ZFYVE1: variants seen among roughly 807,000 people sequenced by gnomAD.
ZFYVE1 encodes zinc finger FYVE-type containing 1, also known as zinc finger FYVE domain-containing protein 1.
A neutral mutation model predicts 74.4 loss-of-function variants in ZFYVE1; 30 were observed. The observed-to-expected ratio is 0.40, with a 90% CI of 0.30 to 0.55. ZFYVE1 has a LOEUF of 0.55. Ranked by LOEUF, ZFYVE1 falls within the 20% of genes least tolerant of loss-of-function variation. The pLI is 0.42. For missense variants in ZFYVE1, 703 were observed against 1,011.6 expected (o/e 0.69, Z 4.14); for synonymous variants, 335 against 385.1 (o/e 0.87, Z 1.52).
At chr14:73,002,086 TAAC>T (rs1386698051) in intron 2 of ZFYVE1, among the ~76,000 whole-genome samples, 3 of 152,056 alleles carry the variant, frequency 2.0e-5, no homozygotes, top group South Asian at 4.1e-4. Context: ...ACTACTGGGG[TAAC>T]AACAACAAAA....
At chr14:72,998,869 G>A (rs1041600618) in intron 2 of ZFYVE1, among the ~76,000 whole-genome samples, 2 of 151,714 alleles carry the variant, frequency 1.3e-5, no homozygotes, top group Non-Finnish European at 2.9e-5. Flanking sequence ...AAAAGAAAGG[G>A]GGGTGGGGCC....
intron 4 of ZFYVE1, among the ~76,000 whole-genome samples, chr14:72,989,465 TA>T (rs993790629): frequency 1.3e-5 from 2 of 151,402 alleles, no homozygotes; most frequent in African/African-American, 4.9e-5. Flanking sequence ...AGGGGGGAGG[TA>T]GGGGAAGGAA....
chr14:73,001,479 T>C (rs1199384718), intron 2 of ZFYVE1, among the ~76,000 whole-genome samples: 1 of 152,132 alleles, frequency 6.6e-6, no homozygotes, highest in Non-Finnish European at 1.5e-5. Flanking sequence ...CATACCCCAC[T>C]GAACACACCG....
At position 72,969,918 on chromosome 14, in the gene ZFYVE1, C is replaced by T. The variant is rs1383084224; in HGVS notation, c.*964G>A. The T allele has an allele frequency of 3.3e-5, 20 of 601,798 alleles. No homozygotes were observed. The highest frequency in any genetic ancestry group is 8.8e-6 in the Non-Finnish European group (3 of 340,820). The allele number at this position is 601,798 out of a possible 1,614,324, so 37.3% of individuals were successfully genotyped here. A position where few individuals can be genotyped will look rare whatever the true frequency, so the allele number is the denominator to read the frequency against. ...GGAAGGTTTCTCATGATCGCCCCTC[C>T]GAGAGCTAGAGGGGTTGTGTGTCTG... On this transcript the variant is annotated 3_prime_UTR_variant, in exon 12 of 12. Transcript: ENST00000556143.
intron 4 of ZFYVE1, among the ~76,000 whole-genome samples, chr14:72,982,610 T>A (rs1003987314): frequency 4.6e-5 from 7 of 152,218 alleles, no homozygotes; most frequent in Non-Finnish European, 7.3e-5. Flanking sequence ...TTCCTCAGGC[T>A]AATTACAGAA....
Position 73,024,418 on chromosome 14 carries a change from T to C in ZFYVE1, c.91A>G (p.Ile31Val). ...CTGCAGCACTCATCACACTCAAAGA[T>C]AGCTTCATCAGTCCCGCTGCAAGCG... ...SYACSGTDEA[I>V]FECDECCSLQ... The change falls in exon 2 of 12, where the codon ATC becomes GTC. Residue 31 changes from isoleucine to valine, a missense_variant. Transcript: ENST00000556143. 5 of 1,614,180 alleles carry C rather than the reference T, an allele frequency of 3.1e-6. No individual in the cohort carries two copies. Among genetic ancestry groups the C allele is most frequent in the Non-Finnish European group, 4.2e-6 (5 of 1,180,030 alleles).
intron 2 of ZFYVE1, 83 bp from the exon 3 acceptor site, chr14:72,998,398 G>A (rs1893799820): frequency 2.3e-6 from 3 of 1,293,222 alleles, no homozygotes; most frequent in Non-Finnish European, 3.1e-6. Context: ...GCTTCCCAAG[G>A]ACAAGGAACT....
chr14:72,971,501 T>C (rs555501172), intron 11 of ZFYVE1, among the ~76,000 whole-genome samples: 1 of 152,282 alleles, frequency 6.6e-6, no homozygotes, highest in African/African-American at 2.4e-5. Flanking sequence ...CACACCTGGC[T>C]AATTTTTGTA....
intron 2 of ZFYVE1, among the ~76,000 whole-genome samples, chr14:73,011,312 C>T (rs895136056): frequency 1.3e-5 from 2 of 151,702 alleles, no homozygotes; most frequent in African/African-American, 4.8e-5. Flanking sequence ...ATGACAAAAC[C>T]CCATCTCTAC....
At chr14:72,991,276 G>A (rs764682375) in intron 4 of ZFYVE1, among the ~76,000 whole-genome samples, 10 of 140,358 alleles carry the variant, frequency 7.1e-5, no homozygotes, top group East Asian at 4.5e-4. Flanking sequence ...TGCAAGCTCC[G>A]CCTCCCGGGT....
At chr14:72,993,971 C>T (rs1467149370) in intron 3 of ZFYVE1, among the ~76,000 whole-genome samples, 12 of 147,200 alleles carry the variant, frequency 8.2e-5, no homozygotes, top group South Asian at 2.2e-4. Flanking sequence ...GCCAAGATCG[C>T]GCCACTGCAC....
intron 3 of ZFYVE1, among the ~76,000 whole-genome samples, chr14:72,995,365 G>A (rs1473204367): frequency 6.6e-6 from 1 of 152,158 alleles, no homozygotes. Flanking sequence ...CCAAAGAGCT[G>A]GGACCACAGG....
chr14:72,971,359 CAG>C (rs1371961670), intron 11 of ZFYVE1, among the ~76,000 whole-genome samples: 1 of 152,130 alleles, frequency 6.6e-6, no homozygotes, highest in Non-Finnish European at 1.5e-5. Flanking sequence ...TTTTTGGAGT[CAG>C]AGTCTCATTC....
chr14:72,975,281 C>A lies in ZFYVE1; in HGVS notation c.1806+270G>T. ...CTCCAGATTCTTATCTGGGTCCTCACATATCTAAGCAATATTCACTGGTCG... is the reference window on the plus strand; with the variant it reads ...CTCCAGATTCTTATCTGGGTCCTCAAATATCTAAGCAATATTCACTGGTCG... On this transcript the variant is annotated intron_variant, in intron 9 of 11. Coordinates refer to ENST00000556143, the MANE Select transcript of ZFYVE1 (RefSeq NM_021260.4). The surrounding 1 kb of genome is among the most constrained non-coding windows in gnomAD (Gnocchi z 4.1). 5 of 524,816 alleles carry A rather than the reference C, an allele frequency of 9.5e-6. No homozygotes were observed. The highest frequency in any genetic ancestry group is 1.7e-5 in the Non-Finnish European group (5 of 300,800). The allele number at this position is 524,816 out of a possible 1,614,324, so 32.5% of individuals were successfully genotyped here.
chr14:73,008,010 A>G (rs1894015339), intron 2 of ZFYVE1, among the ~76,000 whole-genome samples: 1 of 151,972 alleles, frequency 6.6e-6, no homozygotes. Flanking sequence ...ACTTTCTTCC[A>G]CTCTAGTGTC....
intron 1 of ZFYVE1, 107 bp downstream of exon 1, chr14:73,026,819 C>A (rs1382853007): frequency 9.4e-6 from 3 of 319,702 alleles, no homozygotes; most frequent in Non-Finnish European, 1.7e-5. Context: ...GCCGCACCCG[C>A]CCCCCCTTCC....
intron 2 of ZFYVE1, among the ~76,000 whole-genome samples, chr14:73,021,179 T>C (rs971852093): frequency 6.6e-5 from 10 of 151,928 alleles, no homozygotes; most frequent in Admixed American, 1.3e-4. Context: ...ACCCCATCTC[T>C]ACTAAAACAA....
chr14:73,015,361 A>G (rs997119007), intron 2 of ZFYVE1, among the ~76,000 whole-genome samples: 7 of 49,768 alleles, frequency 1.4e-4, no homozygotes, highest in Non-Finnish European at 2.4e-4. Flanking sequence ...AGGAAGGGGG[A>G]AAGGAAGAGG....
At chr14:73,023,412 AT>A (rs1444042485) in intron 2 of ZFYVE1, among the ~76,000 whole-genome samples, 2 of 135,096 alleles carry the variant, frequency 1.5e-5, no homozygotes, top group Non-Finnish European at 3.1e-5. Flanking sequence ...TATAATATAT[AT>A]TTTATGTTTT....
Sources: gnomAD v4.1 joint callset for allele counts (sites outside exome capture counted in the v4.1 genomes callset) on GRCh38, gnomAD v4.1.1 for gene constraint, Gnocchi (gnomAD v3.1) non-coding constraint, MANE v1.5 for transcripts, NCBI Gene and HGNC (gene_info 2026-07-23, HGNC 2026-07-21) for gene names.